FYN: variants seen among roughly 807,000 people sequenced by gnomAD.
FYN encodes the protein FYN proto-oncogene, Src family tyrosine kinase, also known as tyrosine-protein kinase Fyn.
In FYN, 10 loss-of-function variants were observed where a neutral mutation model predicts 70.2. That is an observed-to-expected ratio of 0.14 (90% confidence interval 0.09 to 0.24). The LOEUF (loss-of-function observed/expected upper bound fraction) is 0.24, where lower values mean the gene tolerates loss of function less well. Among genes scored for constraint, FYN ranks in the 10% least tolerant of loss-of-function variants. The pLI, the probability that FYN is intolerant of heterozygous loss-of-function variation, is 1.00. For synonymous variants in FYN, 236 were observed against 248.6 expected, an observed-to-expected ratio of 0.95 and a Z score of 0.48; for missense variants, 319 against 673.1, an observed-to-expected ratio of 0.47 and a Z score of 5.82.
At chr6:111,717,198 T>C (rs1000097173) in intron 4 of FYN, among the ~76,000 whole-genome samples, 1 of 152,240 alleles carries the variant, frequency 6.6e-6, no homozygotes, top group Non-Finnish European at 1.5e-5. Context: ...TTGTTAAACG[T>C]CAAAAGACAT....
intron 2 of FYN, among the ~76,000 whole-genome samples, chr6:111,797,966 T>C (rs1771870241): frequency 6.6e-6 from 1 of 151,958 alleles, no homozygotes. Flanking sequence ...TTTCATCATG[T>C]TGGCCAGGCT....
rs113296049 is a variant in FYN at position 111,777,209 on chromosome 6, T to C, written c.-12+3357A>G. The stretch of plus-strand genomic sequence containing the variant: ...ATAAGCCGTCAGAGGCCCATCTGTC[T>C]GTCTGAATTCATTTAGGTCATTTTT... On this transcript the variant is annotated intron_variant, in intron 3 of 13. Coordinates refer to ENST00000354650, the MANE Select transcript of FYN (RefSeq NM_002037.5). Among the ~76,000 whole-genome samples the C allele has an allele frequency of 4.5e-3, 687 of 152,328 alleles. 6 individuals are homozygous for C. Among genetic ancestry groups the C allele is most frequent in the African/African-American group, 0.014 (590 of 41,570 alleles).
intron 4 of FYN, among the ~76,000 whole-genome samples, chr6:111,714,724 A>G (rs1800540882): frequency 1.3e-5 from 2 of 152,192 alleles, no homozygotes; most frequent in African/African-American, 2.4e-5. Context: ...GGGAAATATT[A>G]AAATTGCATC....
chr6:111,667,608 C>T (rs991718674), intron 13 of FYN, among the ~76,000 whole-genome samples: 1 of 152,094 alleles, frequency 6.6e-6, no homozygotes, highest in Non-Finnish European at 1.5e-5. Context: ...GGCAGAGCAC[C>T]GAAATAGATG....
At chr6:111,700,863 G>A (rs962502884) in intron 8 of FYN, among the ~76,000 whole-genome samples, 3 of 151,948 alleles carry the variant, frequency 2.0e-5, no homozygotes, top group Non-Finnish European at 4.4e-5. Context: ...TAGTAAGGTT[G>A]AAGATTATAA....
chr6:111,835,208 C>A (rs1185522412), intron 2 of FYN, among the ~76,000 whole-genome samples: 1 of 152,178 alleles, frequency 6.6e-6, no homozygotes, highest in Non-Finnish European at 1.5e-5. Context: ...TTACCTATAA[C>A]AACCAGAGAA....
intron 2 of FYN, among the ~76,000 whole-genome samples, chr6:111,823,233 G>A (rs534710721): frequency 5.9e-5 from 9 of 152,336 alleles, no homozygotes; most frequent in South Asian, 2.1e-4. Context: ...GGAACCGAAC[G>A]GAGGACCCAG....
intron 1 of FYN, among the ~76,000 whole-genome samples, chr6:111,860,086 C>T (rs1003015644): frequency 2.0e-5 from 3 of 152,066 alleles, no homozygotes; most frequent in African/African-American, 7.2e-5. Flanking sequence ...CCTTCAGGGA[C>T]TCCATAAGAA....
intron 2 of FYN, among the ~76,000 whole-genome samples, chr6:111,842,150 G>T (rs1341543064): frequency 6.6e-6 from 1 of 152,138 alleles, no homozygotes; most frequent in African/African-American, 2.4e-5. Flanking sequence ...GGGTCACTCC[G>T]TTGCCTGATC....
chr6:111,837,602 G>A (rs1023488674), intron 2 of FYN, among the ~76,000 whole-genome samples: 31 of 152,320 alleles, frequency 2.0e-4, no homozygotes, highest in African/African-American at 7.2e-4. Context: ...AGTAGAAGTT[G>A]GTAAATGATG....
At chr6:111,728,734 T>C (rs1801305319) in intron 3 of FYN, among the ~76,000 whole-genome samples, 1 of 152,240 alleles carries the variant, frequency 6.6e-6, no homozygotes, top group African/African-American at 2.4e-5. Context: ...AGATGTTGTT[T>C]ATCTATTCAT....
rs775993326 is a variant in FYN, at chr6:111,661,796, G to A, written c.1557C>T (p.Phe519=). 1 of 1,614,178 alleles carries A rather than the reference G, an allele frequency of 6.2e-7. No individual in the cohort carries two copies. Among genetic ancestry groups the A allele is most frequent in the Non-Finnish European group, 8.5e-7 (1 of 1,180,036 alleles). The part of the protein sequence containing the change: ...ERPTFEYLQS[F]LEDYFTATEP... The stretch of plus-strand genomic sequence containing the variant: ...CTGTCGCGGTAAAGTAGTCTTCCAG[G>A]AAGCTCTGCAAGTACTCAAAAGTGG... Residue 519 remains phenylalanine, a synonymous_variant, in exon 14 of 14, where the codon TTC becomes TTT. Coordinates refer to ENST00000354650, the MANE Select transcript of FYN (RefSeq NM_002037.5). The surrounding 1 kb of genome is among the most constrained non-coding windows in gnomAD (Gnocchi z 4.0).
chr6:111,728,245 C>T (rs1031328890), intron 3 of FYN, among the ~76,000 whole-genome samples: 2 of 152,162 alleles, frequency 1.3e-5, no homozygotes, highest in Non-Finnish European at 2.9e-5. Flanking sequence ...AGAATTAGAG[C>T]ACAGGTTGTA....
At chr6:111,720,282 C>T in intron 3 of FYN, among the ~76,000 whole-genome samples, 1 of 152,182 alleles carries the variant, frequency 6.6e-6, no homozygotes, top group South Asian at 2.1e-4. Context: ...ATGACAGCAT[C>T]ATCACGGAGC....
At chr6:111,664,249 G>C (rs1797897032) in intron 13 of FYN, among the ~76,000 whole-genome samples, 1 of 151,324 alleles carries the variant, frequency 6.6e-6, no homozygotes, top group Non-Finnish European at 1.5e-5. Flanking sequence ...CCTTCCAGGA[G>C]TCCACAGGAA....
intron 12 of FYN, chr6:111,676,467 G>T (rs973108394): frequency 2.6e-5 from 4 of 152,178 alleles, no homozygotes; most frequent in Non-Finnish European, 5.9e-5. Flanking sequence ...ATAGTCAGTT[G>T]TTTTGTTTTT....
chr6:111,803,261 A>C (rs1772043970), intron 2 of FYN, among the ~76,000 whole-genome samples: 1 of 152,248 alleles, frequency 6.6e-6, no homozygotes, highest in Non-Finnish European at 1.5e-5. Flanking sequence ...CACTCCTCTG[A>C]AAGTATTAAT....
intron 2 of FYN, among the ~76,000 whole-genome samples, chr6:111,826,356 ATGT>A (rs1371849531): frequency 1.2e-4 from 18 of 152,018 alleles, no homozygotes; most frequent in African/African-American, 4.3e-4. Flanking sequence ...ACTTCTATAT[ATGT>A]GTATATGTGT....
chr6:111,680,174 C>A (rs929963676), intron 12 of FYN, among the ~76,000 whole-genome samples: 1 of 152,140 alleles, frequency 6.6e-6, no homozygotes, highest in African/African-American at 2.4e-5. Flanking sequence ...AATAACAACA[C>A]AAACACCCAC....
Sources: allele counts gnomAD v4.1 joint callset (sites outside exome capture counted in the v4.1 genomes callset), GRCh38; gene constraint gnomAD v4.1.1; non-coding constraint Gnocchi (gnomAD v3.1); transcripts MANE v1.5; gene names NCBI Gene and HGNC (gene_info 2026-07-23, HGNC 2026-07-21).